The following CPVL variants were observed in gnomAD, a reference collection of about 807,000 sequenced individuals.
CPVL encodes carboxypeptidase vitellogenic like.
CPVL carries 51 observed loss-of-function variants against 63.7 expected under a neutral mutation model. The observed-to-expected ratio is 0.80, with a 90% CI of 0.64 to 1.01. The LOEUF is 1.01. Among genes scored for constraint, CPVL ranks in the 50% least tolerant of loss-of-function variants. The probability of loss-of-function intolerance (pLI) is 0.00; values close to 1 mark genes in which losing one functional copy is unlikely to be tolerated. For missense variants in CPVL, 530 were observed against 573.1 expected (o/e 0.92, Z 0.77); for synonymous variants, 195 against 206.0 (o/e 0.95, Z 0.46).
At chr7:29,157,907 TTCATTTTACTCTTCCTTA>T (rs1371111787) in intron 5 of CPVL, among the ~76,000 whole-genome samples, 1 of 152,238 alleles carries the variant, frequency 6.6e-6, no homozygotes, top group Admixed American at 6.5e-5. Flanking sequence ...CGGCAGTCCT[TTCATTTTACTCTTCCTTA>T]TGAAAATACT....
chr7:29,112,588 T>C, intron 3 of CPVL, 116 bp downstream of exon 3: 1 of 666,534 alleles, frequency 1.5e-6, no homozygotes, highest in Non-Finnish European at 2.6e-6. Context: ...ATCTTATTTT[T>C]AGAAAAAATC....
chr7:29,003,153 TGCAC>T (rs1159013952), intron 12 of CPVL, among the ~76,000 whole-genome samples: 6 of 93,920 alleles, frequency 6.4e-5, no homozygotes, highest in Admixed American at 5.5e-4. Context: ...TATGTGTATG[TGCAC>T]ACACACACAC....
chr7:29,032,925 G>A (rs1788168717), intron 11 of CPVL, among the ~76,000 whole-genome samples: 1 of 152,142 alleles, frequency 6.6e-6, no homozygotes, highest in South Asian at 2.1e-4. Context: ...ATGGAATGAG[G>A]ACCATCCCTG....
chr7:29,023,957 T>C (rs1787250873), intron 12 of CPVL, among the ~76,000 whole-genome samples: 1 of 151,976 alleles, frequency 6.6e-6, no homozygotes. Context: ...GTGATATGTG[T>C]AAAAAAACAA....
At chr7:29,188,699 A>G (rs925873197) in intron 1 of CPVL, among the ~76,000 whole-genome samples, 4 of 152,170 alleles carry the variant, frequency 2.6e-5, no homozygotes, top group Admixed American at 1.3e-4. Context: ...AACTGTGGAT[A>G]AGAAAATGCC....
At chr7:29,095,249 G>A in intron 4 of CPVL, 107 bp from the exon 5 acceptor site, 1 of 882,978 alleles carries the variant, frequency 1.1e-6, no homozygotes. Context: ...ATGAGCTGTT[G>A]GCGTACCCTC....
At chr7:29,095,631 T>TA (rs1409019504) in intron 4 of CPVL, among the ~76,000 whole-genome samples, 2 of 151,694 alleles carry the variant, frequency 1.3e-5, no homozygotes, top group Non-Finnish European at 2.9e-5. Context: ...AAGGTAAACT[T>TA]AGTGACAGCC....
intron 12 of CPVL, among the ~76,000 whole-genome samples, chr7:28,996,549 C>CAAAAAAAA (rs549584191): frequency 2.4e-4 from 27 of 113,452 alleles, no homozygotes; most frequent in South Asian, 2.9e-4. Flanking sequence ...AACCAAAAAA[C>CAAAAAAAA]AAAAAAAAAA....
chr7:29,052,797 T>C (rs1447650830), intron 11 of CPVL, among the ~76,000 whole-genome samples: 2 of 152,032 alleles, frequency 1.3e-5, no homozygotes, highest in Admixed American at 6.5e-5. Flanking sequence ...TAATCCCAGC[T>C]ATTCAGGAGG....
intron 5 of CPVL, among the ~76,000 whole-genome samples, chr7:29,164,247 T>C (rs1284113157): frequency 2.6e-5 from 4 of 152,238 alleles, no homozygotes; most frequent in Admixed American, 2.0e-4. Flanking sequence ...TGACTAATGA[T>C]GTCCAGCATC....
upstream of CPVL, among the ~76,000 whole-genome samples, chr7:29,147,760 C>T (rs1792958421): frequency 6.6e-6 from 1 of 152,090 alleles, no homozygotes; most frequent in South Asian, 2.1e-4. Context: ...GGACCCAGGG[C>T]AAAAGTACAA....
chr7:29,104,940 T>C (rs532465575), intron 3 of CPVL, among the ~76,000 whole-genome samples: 14 of 152,298 alleles, frequency 9.2e-5, no homozygotes, highest in African/African-American at 3.4e-4. Context: ...CTATGGGTGG[T>C]GATCTATAAC....
chr7:29,077,022 C>CT (rs1218562069), intron 7 of CPVL, among the ~76,000 whole-genome samples: 1 of 152,178 alleles, frequency 6.6e-6, no homozygotes, highest in Non-Finnish European at 1.5e-5. Context: ...TAGAGAAAAC[C>CT]TGTAATCGTG....
At chr7:29,008,373 T>C (rs1389472223) in intron 12 of CPVL, among the ~76,000 whole-genome samples, 2 of 152,150 alleles carry the variant, frequency 1.3e-5, no homozygotes, top group African/African-American at 4.8e-5. Flanking sequence ...TAAACTTGCA[T>C]TTTGGAAAAA....
intron 12 of CPVL, among the ~76,000 whole-genome samples, chr7:29,016,195 A>C (rs1484592034): frequency 1.3e-5 from 2 of 152,042 alleles, no homozygotes; most frequent in Non-Finnish European, 2.9e-5. Context: ...TACTAAAAAC[A>C]CAAAAATCAG....
chr7:29,146,818 C>G, upstream of CPVL: 1 of 1,550,420 alleles, frequency 6.4e-7, no homozygotes. Context: ...AAATTTCAAC[C>G]CTGTATTTTG....
At chr7:29,177,087 A>G (rs1182405276) in intron 5 of CPVL, among the ~76,000 whole-genome samples, 1 of 152,218 alleles carries the variant, frequency 6.6e-6, no homozygotes, top group East Asian at 1.9e-4. Flanking sequence ...AAGATAAAAT[A>G]TTTTTAGTTT....
chr7:29,165,251 A>G (rs1380972356), intron 5 of CPVL, among the ~76,000 whole-genome samples: 1 of 152,156 alleles, frequency 6.6e-6, no homozygotes, highest in Non-Finnish European at 1.5e-5. Flanking sequence ...GGTCTTGCAT[A>G]AGTTTTCTTC....
intron 9 of CPVL, among the ~76,000 whole-genome samples, chr7:29,069,495 T>TTCACA (rs1783512014): frequency 6.7e-6 from 1 of 149,614 alleles, no homozygotes; most frequent in African/African-American, 2.5e-5. Context: ...ATAACATGGG[T>TTCACA]GGTCAAGACC....
Sources: gnomAD v4.1 joint callset for allele counts (sites outside exome capture counted in the v4.1 genomes callset) on GRCh38, gnomAD v4.1.1 for gene constraint, MANE v1.5 for transcripts, NCBI Gene and HGNC (gene_info 2026-07-23, HGNC 2026-07-21) for gene names.